Variants in MICAL2 observed in about 807,000 individuals in gnomAD.
The protein encoded by MICAL2 is microtubule associated monooxygenase, calponin and LIM domain containing 2, also known as [F-actin]-monooxygenase MICAL2.
A neutral mutation model predicts 127.3 loss-of-function variants in MICAL2; 77 were observed. The ratio of observed to expected loss-of-function variants is 0.60; its 90% CI spans 0.50 to 0.73. MICAL2 has a LOEUF of 0.73. Ranked by LOEUF, MICAL2 falls within the 30% of genes least tolerant of loss-of-function variation. The pLI, the probability that MICAL2 is intolerant of heterozygous loss-of-function variation, is 0.00. For synonymous variants in MICAL2, 570 were observed against 551.1 expected, an observed-to-expected ratio of 1.03 and a Z score of -0.48; for missense variants, 1,351 against 1,434.4, an observed-to-expected ratio of 0.94 and a Z score of 0.94.
chr11:12,354,373 G>T (rs915300394), intron 33 of MICAL2, among the ~76,000 whole-genome samples: 1 of 152,156 alleles, frequency 6.6e-6, no homozygotes, highest in Admixed American at 6.5e-5. Context: ...TCAGGAGGCT[G>T]AGGCAGGAAA....
intron 8 of MICAL2, among the ~76,000 whole-genome samples, chr11:12,218,560 G>C (rs1454564605): frequency 6.6e-6 from 1 of 152,150 alleles, no homozygotes; most frequent in East Asian, 1.9e-4. Context: ...GGGTGTTTGA[G>C]ACCTCTCCCT....
upstream of MICAL2, among the ~76,000 whole-genome samples, chr11:12,273,693 A>T (rs1863696326): frequency 6.6e-6 from 1 of 152,148 alleles, no homozygotes; most frequent in Non-Finnish European, 1.5e-5. Flanking sequence ...AAAAGATGAG[A>T]GGGCTCAGGT....
upstream of MICAL2, chr11:12,274,525 T>C (rs1863704764): frequency 6.6e-6 from 1 of 152,186 alleles, no homozygotes; most frequent in Admixed American, 6.5e-5. Flanking sequence ...TTAAATAGGA[T>C]GGTCAGGGCA....
At chr11:12,318,093 C>G (rs1479247513) in intron 29 of MICAL2, among the ~76,000 whole-genome samples, 1 of 152,200 alleles carries the variant, frequency 6.6e-6, no homozygotes, top group Non-Finnish European at 1.5e-5. Flanking sequence ...TCCTGCTGCT[C>G]TTGCTGCTAC....
At chr11:12,327,895 A>T (rs1676408557) in intron 32 of MICAL2, among the ~76,000 whole-genome samples, 1 of 151,272 alleles carries the variant, frequency 6.6e-6, no homozygotes, top group South Asian at 2.1e-4. Flanking sequence ...TTCAAAACTC[A>T]GAGTGAGAGT....
intron 2 of MICAL2, among the ~76,000 whole-genome samples, chr11:12,155,897 A>G (rs930432921): frequency 6.6e-6 from 1 of 152,218 alleles, no homozygotes; most frequent in Non-Finnish European, 1.5e-5. Context: ...GAGGGTGGGC[A>G]CTGCCTCATT....
chr11:12,183,209 T>A (rs939272337), intron 3 of MICAL2, among the ~76,000 whole-genome samples: 2 of 152,170 alleles, frequency 1.3e-5, no homozygotes, highest in African/African-American at 4.8e-5. Context: ...AGAAAAGTTT[T>A]GTGGTCACTG....
At position 12,225,972 on chromosome 11, in the gene MICAL2, G is replaced by A. The variant is rs779791909; in HGVS notation, c.1689-199G>A. Among the ~76,000 whole-genome samples the A allele has an allele frequency of 2.0e-5, 3 of 152,274 alleles. No individual in the cohort carries two copies. The South Asian group carries it at 6.2e-4, about 32-fold the overall frequency. ...CAGCAATAACGTCATCATGGCCCAG[G>A]TCTGATTTTGTCCCTTCCTGACCAG... On this transcript the variant is annotated intron_variant, in intron 13 of 27. Coordinates refer to ENST00000683283, the MANE Select transcript of MICAL2 (RefSeq NM_001282663.2).
At chr11:12,215,274 G>A (rs749041459) in intron 7 of MICAL2, among the ~76,000 whole-genome samples, 10 of 152,144 alleles carry the variant, frequency 6.6e-5, no homozygotes, top group East Asian at 1.9e-4. Context: ...AGTGACAGTC[G>A]CGACCTTCCT....
intron 22 of MICAL2, chr11:12,255,436 G>A (rs990310390): frequency 4.1e-5 from 23 of 559,558 alleles, no homozygotes; most frequent in Middle Eastern, 9.3e-4. Flanking sequence ...GTGTTTTTGC[G>A]GCCACAGGGT....
intron 2 of MICAL2, among the ~76,000 whole-genome samples, chr11:12,149,016 G>T (rs951613842): frequency 2.6e-5 from 4 of 152,186 alleles, no homozygotes; most frequent in African/African-American, 9.7e-5. Flanking sequence ...GGTGGGTTGG[G>T]TTTGGTGACC....
At chr11:12,124,727 C>T (rs1027205990) in intron 1 of MICAL2, among the ~76,000 whole-genome samples, 2 of 152,228 alleles carry the variant, frequency 1.3e-5, no homozygotes, top group African/African-American at 4.8e-5. Flanking sequence ...CTTTGCTCCC[C>T]TGTCCTGGTC....
At position 12,110,881 on chromosome 11, in the gene MICAL2, G is replaced by GC. The variant is rs1849546637; in HGVS notation, c.-149+156dup. Among the ~76,000 whole-genome samples, 1 of 152,156 alleles carries GC rather than the reference G, an allele frequency of 6.6e-6. No homozygotes were observed. Among genetic ancestry groups the GC allele is most frequent in the Admixed American group, 6.5e-5 (1 of 15,290 alleles). ...CCGCCTCAAACCCACCCGGCGGGGC[G>GC]CACAGTGAGCAGGTGGCGCTGCGAC... On this transcript the variant is annotated intron_variant, in intron 1 of 27. Transcript: ENST00000683283. The surrounding 1 kb of genome is among the most constrained non-coding windows in gnomAD (Gnocchi z 4.5).
At chr11:12,243,137 C>T (rs902425254) in intron 20 of MICAL2, 2 of 169,554 alleles carry the variant, frequency 1.2e-5, no homozygotes, top group Non-Finnish European at 2.5e-5. Context: ...ATCACAATGC[C>T]TTTACCCAGT....
chr11:12,348,079 G>C (rs764370920), intron 32 of MICAL2, among the ~76,000 whole-genome samples: 21 of 149,122 alleles, frequency 1.4e-4, no homozygotes, highest in African/African-American at 5.0e-4. Context: ...ACTTGAACCT[G>C]AGAGGCGGAG....
rs138054867 is a variant in MICAL2, at chr11:12,114,756, C to T, written c.-149+4030C>T. Among the ~76,000 whole-genome samples, 40 of 152,274 alleles carry T rather than the reference C, an allele frequency of 2.6e-4. No homozygotes were observed. The East Asian group carries it at 6.2e-3, about 23-fold the overall frequency. On this transcript the variant is annotated intron_variant, in intron 1 of 27. Transcript: ENST00000683283. ...AGGTTTTAAAAAAATGACTTGCTTACGTGTGGACGTTTCCTCAGCACGCGT... is the reference window on the plus strand; with the variant it reads ...AGGTTTTAAAAAAATGACTTGCTTATGTGTGGACGTTTCCTCAGCACGCGT...
intron 3 of MICAL2, among the ~76,000 whole-genome samples, chr11:12,186,010 A>C (rs917072814): frequency 6.6e-6 from 1 of 152,252 alleles, no homozygotes; most frequent in African/African-American, 2.4e-5. Context: ...GCTCTGATGG[A>C]GCCCCAGCTC....
intron 3 of MICAL2, among the ~76,000 whole-genome samples, chr11:12,164,872 C>T (rs767078503): frequency 2.8e-4 from 43 of 152,260 alleles, no homozygotes; most frequent in Non-Finnish European, 4.9e-4. Context: ...TCGCGGCTCA[C>T]GCCTGTAATC....
At chr11:12,257,792 T>G (rs1334927467) in intron 24 of MICAL2, among the ~76,000 whole-genome samples, 1 of 152,168 alleles carries the variant, frequency 6.6e-6, no homozygotes. Context: ...CTGTTACAAT[T>G]TTTACTATTG....
Sources: gnomAD v4.1 joint callset for allele counts (sites outside exome capture counted in the v4.1 genomes callset) on GRCh38, gnomAD v4.1.1 for gene constraint, Gnocchi (gnomAD v3.1) non-coding constraint, MANE v1.5 for transcripts, NCBI Gene and HGNC (gene_info 2026-07-23, HGNC 2026-07-21) for gene names.